Variants in NSMCE2 observed in about 807,000 individuals in gnomAD.
NSMCE2 encodes NSE2 SUMO ligase component of SMC5/6 complex.
A neutral mutation model predicts 23.8 loss-of-function variants in NSMCE2; 24 were observed. The ratio of observed to expected loss-of-function variants is 1.01; its 90% confidence interval spans 0.73 to 1.42. The LOEUF (loss-of-function observed/expected upper bound fraction) is 1.42. Ranked by LOEUF, NSMCE2 falls within the 40% of genes most tolerant of loss-of-function variation. NSMCE2 has a pLI of 0.00. For missense variants in NSMCE2, 284 were observed against 296.5 expected (o/e 0.96, Z 0.31); for synonymous variants, 92 against 94.1 (o/e 0.98, Z 0.13).
chr8:125,310,647 T>C (rs954444877), intron 5 of NSMCE2, among the ~76,000 whole-genome samples: 1 of 152,226 alleles, frequency 6.6e-6, no homozygotes, highest in Admixed American at 6.5e-5. Context: ...TCTTCCGTAA[T>C]GTTTTTCTCC....
chr8:125,257,838 A>G (rs1201178731), intron 5 of NSMCE2, among the ~76,000 whole-genome samples: 1 of 152,094 alleles, frequency 6.6e-6, no homozygotes, highest in Non-Finnish European at 1.5e-5. Flanking sequence ...CCGGCCAGAC[A>G]AAACCAAATG....
At chr8:125,193,860 A>G (rs10098862) in intron 5 of NSMCE2, among the ~76,000 whole-genome samples, 12,364 of 152,196 alleles carry the variant, frequency 0.081, 607 homozygotes, top group Middle Eastern at 0.29. Context: ...AAGCAGCCTC[A>G]TAATTACCCT....
At chr8:125,330,204 T>TCC (rs1829824600) in intron 5 of NSMCE2, among the ~76,000 whole-genome samples, 1 of 136,854 alleles carries the variant, frequency 7.3e-6, no homozygotes, top group South Asian at 2.3e-4. Flanking sequence ...TTTGAGACAG[T>TCC]CTCTCTCTGT....
At chr8:125,302,931 A>G (rs566018086) in intron 5 of NSMCE2, among the ~76,000 whole-genome samples, 1 of 152,298 alleles carries the variant, frequency 6.6e-6, no homozygotes, top group Non-Finnish European at 1.5e-5. Flanking sequence ...GAATCTGAGC[A>G]CACATCATGC....
At chr8:125,363,724 C>T (rs1325114305) in intron 7 of NSMCE2, among the ~76,000 whole-genome samples, 2 of 151,790 alleles carry the variant, frequency 1.3e-5, no homozygotes, top group Non-Finnish European at 2.9e-5. Context: ...AAGGAGAATT[C>T]GCTTTGAGAC....
intron 5 of NSMCE2, among the ~76,000 whole-genome samples, chr8:125,283,903 C>G (rs1827789766): frequency 6.6e-6 from 1 of 152,140 alleles, no homozygotes; most frequent in South Asian, 2.1e-4. Context: ...CCTGTAATCC[C>G]AGCATTTTGG....
chr8:125,138,693 A>G (rs922316290), intron 3 of NSMCE2, among the ~76,000 whole-genome samples: 19 of 152,226 alleles, frequency 1.2e-4, no homozygotes, highest in Admixed American at 1.2e-3. Flanking sequence ...TAAGTAAGGC[A>G]GGTCAACTCG....
chr8:125,356,802 A>G (rs1813300315), intron 5 of NSMCE2, among the ~76,000 whole-genome samples: 1 of 152,208 alleles, frequency 6.6e-6, no homozygotes, highest in Non-Finnish European at 1.5e-5. Context: ...ATTGCTTTGT[A>G]CCATGAGCTG....
intron 5 of NSMCE2, among the ~76,000 whole-genome samples, chr8:125,264,312 G>A (rs902234282): frequency 6.6e-6 from 1 of 152,176 alleles, no homozygotes; most frequent in Non-Finnish European, 1.5e-5. Context: ...CCCTCAACAG[G>A]ATGGAGAACA....
intron 5 of NSMCE2, among the ~76,000 whole-genome samples, chr8:125,217,362 T>TTA (rs1554621421): frequency 3.3e-5 from 5 of 150,950 alleles, no homozygotes; most frequent in Non-Finnish European, 5.9e-5. Flanking sequence ...TTTATTTATT[T>TTA]TTTATTTATT....
chr8:125,147,220 T>C (rs545063472), intron 3 of NSMCE2, among the ~76,000 whole-genome samples: 1 of 152,344 alleles, frequency 6.6e-6, no homozygotes, highest in South Asian at 2.1e-4. Flanking sequence ...ACTGAAAATA[T>C]AAAATAGGCA....
chr8:125,275,916 T>C (rs1399593328), intron 5 of NSMCE2, among the ~76,000 whole-genome samples: 1 of 152,236 alleles, frequency 6.6e-6, no homozygotes, highest in African/African-American at 2.4e-5. Flanking sequence ...AACTCTGTTA[T>C]GTCTTTAGCC....
At chr8:125,359,830 A>G (rs1298581000) in intron 7 of NSMCE2, among the ~76,000 whole-genome samples, 3 of 152,100 alleles carry the variant, frequency 2.0e-5, no homozygotes. Context: ...TTTTTCCACC[A>G]TTGCTCTATA....
At chr8:125,226,308 C>T (rs1431839193) in intron 5 of NSMCE2, among the ~76,000 whole-genome samples, 1 of 152,092 alleles carries the variant, frequency 6.6e-6, no homozygotes, top group African/African-American at 2.4e-5. Flanking sequence ...TAGAAATTCA[C>T]CAGGAAAGGA....
intron 5 of NSMCE2, among the ~76,000 whole-genome samples, chr8:125,316,491 C>T (rs1401795087): frequency 2.6e-5 from 4 of 152,222 alleles, no homozygotes; most frequent in Non-Finnish European, 4.4e-5. Flanking sequence ...AGGGCAGGCT[C>T]CAGACTTTAG....
intron 5 of NSMCE2, among the ~76,000 whole-genome samples, chr8:125,329,036 G>A (rs1195469669): frequency 1.3e-5 from 2 of 152,150 alleles, no homozygotes; most frequent in African/African-American, 4.8e-5. Flanking sequence ...AGACTGAGTT[G>A]TGACCAAGAC....
chr8:125,254,185 T>C (rs1826314772), intron 5 of NSMCE2, among the ~76,000 whole-genome samples: 1 of 152,232 alleles, frequency 6.6e-6, no homozygotes, highest in Admixed American at 6.5e-5. Flanking sequence ...AACTCTAATA[T>C]CTCTATTGAA....
intron 5 of NSMCE2, among the ~76,000 whole-genome samples, chr8:125,343,886 G>A (rs1232021407): frequency 1.3e-5 from 2 of 152,156 alleles, no homozygotes; most frequent in South Asian, 2.1e-4. Flanking sequence ...GGCGCCTGTA[G>A]TCCCAGCTAC....
intron 5 of NSMCE2, among the ~76,000 whole-genome samples, chr8:125,235,017 G>A (rs1207454730): frequency 3.3e-5 from 5 of 152,206 alleles, no homozygotes; most frequent in Non-Finnish European, 2.9e-5. Flanking sequence ...AGGCTGAGGC[G>A]GGCAGATCAC....
Sources: allele counts gnomAD v4.1 joint callset (sites outside exome capture counted in the v4.1 genomes callset), GRCh38; gene constraint gnomAD v4.1.1; transcripts MANE v1.5; gene names NCBI Gene and HGNC (gene_info 2026-07-23, HGNC 2026-07-21).